Variants in ZPBP observed in about 807,000 individuals in gnomAD.
The protein encoded by ZPBP is zona pellucida-binding protein 1.
Under a neutral mutation model 44.8 loss-of-function variants are expected in ZPBP, and 26 were observed. The observed-to-expected ratio is 0.58, with a 90% CI of 0.43 to 0.81. The LOEUF is 0.81. ZPBP is among the 30% of genes least tolerant of loss of function. The probability of loss-of-function intolerance (pLI) is 0.00; values close to 1 mark genes in which losing one functional copy is unlikely to be tolerated. For missense variants in ZPBP, 409 were observed against 434.0 expected, an observed-to-expected ratio of 0.94 and a Z score of 0.51; for synonymous variants, 174 against 153.2, an observed-to-expected ratio of 1.14 and a Z score of -1.00.
intron 2 of ZPBP, among the ~76,000 whole-genome samples, chr7:50,088,264 G>A (rs1031385060): frequency 2.6e-5 from 4 of 151,998 alleles, no homozygotes; most frequent in African/African-American, 9.7e-5. Context: ...TGCACCATAT[G>A]CAAAAATTAA....
chr7:50,080,761 T>G (rs1367681335), intron 3 of ZPBP, among the ~76,000 whole-genome samples: 2 of 151,770 alleles, frequency 1.3e-5, no homozygotes, highest in Admixed American at 1.3e-4. Flanking sequence ...TTATATAAGC[T>G]GCAAAACTTA....
chr7:50,049,294 G>T (rs1355774400), intron 4 of ZPBP, among the ~76,000 whole-genome samples: 1 of 151,874 alleles, frequency 6.6e-6, no homozygotes, highest in Non-Finnish European at 1.5e-5. Context: ...GAACAGAAGG[G>T]AATACACCCC....
chr7:50,052,257 T>C (rs1257367820), intron 4 of ZPBP, among the ~76,000 whole-genome samples: 1 of 152,142 alleles, frequency 6.6e-6, no homozygotes. Flanking sequence ...AATGTTAATA[T>C]ATCAGACAAT....
intron 6 of ZPBP, among the ~76,000 whole-genome samples, chr7:49,985,274 G>A (rs1372380775): frequency 4.0e-5 from 6 of 151,566 alleles, no homozygotes; most frequent in Non-Finnish European, 7.4e-5. Context: ...AAAATGTTTT[G>A]GGTCTTTATT....
intron 6 of ZPBP, among the ~76,000 whole-genome samples, chr7:50,001,067 A>T (rs1225547616): frequency 6.6e-6 from 1 of 152,164 alleles, no homozygotes; most frequent in Non-Finnish European, 1.5e-5. Flanking sequence ...CTTGGCAGAA[A>T]CCAACCCTGC....
chr7:49,931,796 A>C (rs1178225324), intron 1 of ZPBP, among the ~76,000 whole-genome samples: 1 of 152,190 alleles, frequency 6.6e-6, no homozygotes, highest in East Asian at 1.9e-4. Context: ...CTCCCATCAC[A>C]GGCCTGGAGG....
intron 7 of ZPBP, among the ~76,000 whole-genome samples, chr7:49,957,297 T>G (rs1292017206): frequency 1.3e-5 from 2 of 152,228 alleles, no homozygotes; most frequent in East Asian, 1.9e-4. Flanking sequence ...AAATTGATTT[T>G]GAGAAGTGGG....
At chr7:49,928,984 T>C (rs534635063) in intron 1 of ZPBP, among the ~76,000 whole-genome samples, 10 of 152,286 alleles carry the variant, frequency 6.6e-5, no homozygotes, top group African/African-American at 2.4e-4. Flanking sequence ...GCTATGACAC[T>C]CTGAGCATAC....
At chr7:50,023,414 T>C (rs1441994683) in intron 5 of ZPBP, among the ~76,000 whole-genome samples, 3 of 151,674 alleles carry the variant, frequency 2.0e-5, no homozygotes, top group Non-Finnish European at 4.4e-5. Context: ...TCCATATCAC[T>C]CAAAGACCAT....
intron 4 of ZPBP, among the ~76,000 whole-genome samples, chr7:50,055,542 T>C (rs530297952): frequency 1.3e-5 from 2 of 152,268 alleles, no homozygotes; most frequent in East Asian, 1.9e-4. Context: ...CTCCCCTACT[T>C]AATAGCTATG....
chr7:49,881,491 G>A lies in ZPBP; in HGVS notation n.509+19627C>T, dbSNP rs372272194. 3.1e-4 allele frequency among the ~76,000 whole-genome samples: 47 copies of A among 152,216 alleles called. No individual in the cohort carries two copies. In the East Asian group the frequency reaches 3.9e-3, roughly 12 times the overall value. ...CCTCACCTCTACCCATGCACAAAAC[G>A]TCCTGTCTCTTTTGACTGTGGCCTT... On this transcript the variant is annotated intron_variant and non_coding_transcript_variant, in intron 2 of 2. Coordinates refer to the ZPBP transcript ENST00000465922.
In ZPBP at chr7:50,093,170, C is replaced by T. The variant is rs1803087905; in HGVS notation, c.25G>A (p.Ala9Thr). The change falls in exon 1 of 8, where the codon GCG (alanine) becomes ACG (threonine). Residue 9 changes from alanine (A) to threonine (T), a missense_variant. Transcript: ENST00000046087. MEAFALGPARRGRRRTRAA... is the reference protein window; with the variant it reads MEAFALGPTRRGRRRTRAA... ...CGGGTCCGCCGCCTGCCCCGCCGCG[C>T]TGGGCCAAGGGCGAAGGCCTCCATC... is the stretch of plus-strand genomic sequence containing the variant. 6.5e-7 allele frequency: 1 copy of T among 1,538,994 alleles called. No individual in the cohort carries two copies. The highest frequency in any genetic ancestry group is 1.4e-5 in the African/African-American group (1 of 71,682).
chr7:49,986,572 AC>A (rs1797292488), intron 6 of ZPBP, among the ~76,000 whole-genome samples: 1 of 152,192 alleles, frequency 6.6e-6, no homozygotes, highest in Non-Finnish European at 1.5e-5. Context: ...TGTTGGAAGA[AC>A]CATTCGCATA....
At chr7:50,066,638 A>C (rs112449219) in intron 3 of ZPBP, among the ~76,000 whole-genome samples, 1 of 152,262 alleles carries the variant, frequency 6.6e-6, no homozygotes, top group Non-Finnish European at 1.5e-5. Flanking sequence ...ACATAACAAC[A>C]GAACAATCAG....
intron 2 of ZPBP, 86 bp from the exon 3 acceptor site, chr7:50,081,985 A>T (rs1802382725): frequency 2.0e-6 from 3 of 1,476,476 alleles, no homozygotes; most frequent in South Asian, 1.2e-5. Context: ...TTTGGGTTAC[A>T]TGCAATAATA....
chr7:49,956,657 G>A (rs1227012784), intron 7 of ZPBP, among the ~76,000 whole-genome samples: 1 of 151,928 alleles, frequency 6.6e-6, no homozygotes. Flanking sequence ...AAAAATAGAT[G>A]GGCATGCTAT....
Position 49,855,810 on chromosome 7 carries a change from G to T in ZPBP, n.510-5296C>A, listed in dbSNP as rs1053528738. On this transcript the variant is annotated intron_variant and non_coding_transcript_variant, in intron 2 of 2. Transcript: ENST00000465922. ...CAGCTGCCCTCACCAGCCAGGGGCC[G>T]GTGGCTGACGGTGCACGTTAATTCC... is the stretch of plus-strand genomic sequence containing the variant. Among the ~76,000 whole-genome samples, 3 of 152,116 alleles carry T rather than the reference G, an allele frequency of 2.0e-5. No individual in the cohort carries two copies. In the East Asian group the frequency reaches 5.8e-4, roughly 29 times the overall value.
chr7:49,879,874 T>C (rs2128726656), intron 2 of ZPBP, among the ~76,000 whole-genome samples: 1 of 152,284 alleles, frequency 6.6e-6, no homozygotes, highest in South Asian at 2.1e-4. Flanking sequence ...CAGAAAGTTA[T>C]TTGGTTTTCT....
At chr7:50,002,114 A>G (rs7341500) in intron 6 of ZPBP, among the ~76,000 whole-genome samples, 3,451 of 152,186 alleles carry the variant, frequency 0.023, 148 homozygotes, top group African/African-American at 0.079. Context: ...TTTATAAAGG[A>G]AAGTGGTTTA....
Sources: allele counts gnomAD v4.1 joint callset (sites outside exome capture counted in the v4.1 genomes callset), GRCh38; gene constraint gnomAD v4.1.1; transcripts MANE v1.5; gene names NCBI Gene and HGNC (gene_info 2026-07-23, HGNC 2026-07-21).